The following PAWR variants were observed in gnomAD, a reference collection of about 807,000 sequenced individuals.
The protein encoded by PAWR is PRKC apoptosis WT1 regulator protein.
In PAWR, 23 loss-of-function variants were observed where a neutral mutation model predicts 32.0. The ratio of observed to expected loss-of-function variants is 0.72; its 90% CI spans 0.52 to 1.02. The LOEUF is 1.02. Ranked by LOEUF, PAWR falls within the 50% of genes least tolerant of loss-of-function variation. PAWR has a pLI of 0.00. For synonymous variants in PAWR, 226 were observed against 187.1 expected, an observed-to-expected ratio of 1.21 and a Z score of -1.70; for missense variants, 457 against 437.7, an observed-to-expected ratio of 1.04 and a Z score of -0.39.
intron 2 of PAWR, among the ~76,000 whole-genome samples, chr12:79,637,365 A>AT (rs1286413427): frequency 2.6e-5 from 4 of 152,018 alleles, no homozygotes; most frequent in African/African-American, 4.8e-5. Context: ...CACTTCTTTA[A>AT]TCCGCCTCCT....
rs1566011125 is a variant in PAWR, at chr12:79,632,350, TA to T, written c.517-11144del. Among the ~76,000 whole-genome samples the T allele has an allele frequency of 6.8e-3, 404 of 59,738 alleles. 20 individuals are homozygous for T. The highest frequency in any genetic ancestry group is 7.9e-3 in the Non-Finnish European group (297 of 37,748). 39.2% of individuals were successfully genotyped at this position (59,738 alleles called of 152,430 possible). A position where few individuals can be genotyped will look rare whatever the true frequency, so the allele number is the denominator to read the frequency against. On this transcript the variant is annotated intron_variant, in intron 2 of 6. Coordinates refer to ENST00000328827, the MANE Select transcript of PAWR (RefSeq NM_002583.4). ...ATATATATATATATATATATATATATATATATATATATTTTTTTTTTTTTTT... is the reference window on the plus strand; with the variant it reads ...ATATATATATATATATATATATATATTATATATATATTTTTTTTTTTTTTT...
intron 2 of PAWR, among the ~76,000 whole-genome samples, chr12:79,641,447 G>A (rs1876316102): frequency 6.6e-6 from 1 of 152,130 alleles, no homozygotes; most frequent in South Asian, 2.1e-4. Context: ...TTAACTATGA[G>A]ACCACATTTA....
intron 4 of PAWR, among the ~76,000 whole-genome samples, chr12:79,608,262 A>C (rs995959920): frequency 2.0e-5 from 3 of 152,190 alleles, no homozygotes; most frequent in African/African-American, 7.2e-5. Context: ...TTTTGGCAAC[A>C]GGGAACAGTT....
At chr12:79,656,441 G>T (rs1191117550) in intron 2 of PAWR, among the ~76,000 whole-genome samples, 1 of 152,150 alleles carries the variant, frequency 6.6e-6, no homozygotes, top group South Asian at 2.1e-4. Context: ...TGCGTAACAT[G>T]GGGGTGAGGC....
At chr12:79,669,636 T>TGGCCGGGCGCGGTGGCTCA (rs1877788111) in intron 2 of PAWR, among the ~76,000 whole-genome samples, 1 of 151,968 alleles carries the variant, frequency 6.6e-6, no homozygotes, top group African/African-American at 2.4e-5. Flanking sequence ...AAGAAAAAAA[T>TGGCCGGGCGCGGTGGCTCA]CAAATGATAC....
intron 2 of PAWR, among the ~76,000 whole-genome samples, chr12:79,634,110 T>A (rs1331189008): frequency 6.6e-6 from 1 of 152,194 alleles, no homozygotes; most frequent in East Asian, 1.9e-4. Flanking sequence ...ATAAAATTTA[T>A]GTTTTGACTA....
chr12:79,681,738 A>G (rs1327726329), intron 2 of PAWR, among the ~76,000 whole-genome samples: 1 of 152,132 alleles, frequency 6.6e-6, no homozygotes, highest in Admixed American at 6.5e-5. Flanking sequence ...AAAAATTAGG[A>G]TTACATAAAT....
chr12:79,632,608 G>A (rs747281964), intron 2 of PAWR, among the ~76,000 whole-genome samples: 8 of 151,262 alleles, frequency 5.3e-5, no homozygotes, highest in Non-Finnish European at 1.2e-4. Context: ...GGGCTCAAGT[G>A]ATCACCTGCC....
chr12:79,690,162 T>C lies in PAWR; in HGVS notation c.83A>G (p.Glu28Gly). Residue 28 changes from glutamate to glycine, a missense_variant, in exon 2 of 7, where the codon GAG (glutamate) becomes GGG (glycine). Physicochemically the swap from Glu to Gly is moderately conservative, Grantham distance 98 (BLOSUM62 -2). Coordinates refer to ENST00000328827, the MANE Select transcript of PAWR (RefSeq NM_002583.4). ...DFLEEWKAKR[E>G]KMRAKQNPPG... ...GGGGTTCTGCTTGGCGCGCATCTTC[T>C]CGCGTTTCGCCTTCCACTCCTCCAG... 1 of 1,527,852 alleles carries C rather than the reference T, an allele frequency of 6.5e-7. No homozygotes were observed. Among genetic ancestry groups the C allele is most frequent in the Non-Finnish European group, 8.8e-7 (1 of 1,140,792 alleles). 94.6% of individuals were successfully genotyped at this position (1,527,852 alleles called of 1,614,324 possible).
intron 2 of PAWR, among the ~76,000 whole-genome samples, chr12:79,644,988 TGA>T (rs1876500967): frequency 6.6e-6 from 1 of 150,944 alleles, no homozygotes; most frequent in Non-Finnish European, 1.5e-5. Context: ...TTTACAAAAC[TGA>T]GTCTCTGTAA....
At chr12:79,620,201 C>T (rs8176876) in intron 3 of PAWR, among the ~76,000 whole-genome samples, 135 of 152,110 alleles carry the variant, frequency 8.9e-4, no homozygotes, top group African/African-American at 3.2e-3. Flanking sequence ...TAAAATTTCT[C>T]TAATATATAA....
At chr12:79,633,663 A>C (rs909940156) in intron 2 of PAWR, among the ~76,000 whole-genome samples, 5 of 152,214 alleles carry the variant, frequency 3.3e-5, no homozygotes, top group African/African-American at 1.2e-4. Context: ...AAGGGAAAGG[A>C]GATATATGAA....
At chr12:79,603,308 A>C (rs1447508890) in intron 4 of PAWR, among the ~76,000 whole-genome samples, 1 of 152,016 alleles carries the variant, frequency 6.6e-6, no homozygotes, top group East Asian at 1.9e-4. Flanking sequence ...AGATACAGGA[A>C]AGAAACAACT....
At position 79,621,086 on chromosome 12, in the gene PAWR, T is replaced by C. The variant is rs145268575; in HGVS notation, c.638A>G (p.Tyr213Cys). 24 of 1,598,282 alleles carry C rather than the reference T, an allele frequency of 1.5e-5. No individual in the cohort carries two copies. Among genetic ancestry groups the C allele is most frequent in the African/African-American group, 1.1e-4 (8 of 74,234 alleles). The change falls in exon 3 of 7, where the codon TAT (tyrosine) becomes TGT (cysteine). Residue 213 changes from tyrosine (Y) to cysteine (C), a missense_variant. Transcript: ENST00000328827. Reference sequence around the variant, plus strand: ...TTTTTAAATACTCACCTGTAGCAGATAGGAACTGCCTGGATCTAGTAAGTT... The same window carrying C: ...TTTTTAAATACTCACCTGTAGCAGACAGGAACTGCCTGGATCTAGTAAGTT... ...AVNLLDPGSS[Y>C]LLQEPPRTVS...
At chr12:79,620,616 G>A (rs1218834808) in intron 3 of PAWR, among the ~76,000 whole-genome samples, 1 of 152,136 alleles carries the variant, frequency 6.6e-6, no homozygotes, top group Non-Finnish European at 1.5e-5. Flanking sequence ...TTTACAGGAG[G>A]GTGGCTCAGA....
At chr12:79,614,899 A>G (rs567152626) in intron 3 of PAWR, among the ~76,000 whole-genome samples, 25 of 152,262 alleles carry the variant, frequency 1.6e-4, no homozygotes, top group African/African-American at 5.3e-4. Flanking sequence ...CTCCGTAGCT[A>G]GGAGACTAGG....
intron 2 of PAWR, among the ~76,000 whole-genome samples, chr12:79,687,805 C>G (rs976708628): frequency 6.6e-6 from 1 of 152,006 alleles, no homozygotes; most frequent in Non-Finnish European, 1.5e-5. Context: ...ATCTGAAATA[C>G]ATAAGTTGTT....
intron 2 of PAWR, among the ~76,000 whole-genome samples, chr12:79,687,131 C>G (rs1012301039): frequency 2.6e-5 from 4 of 152,128 alleles, no homozygotes; most frequent in African/African-American, 9.7e-5. Flanking sequence ...TTTCTTAAAA[C>G]TCTTAGTAAA....
chr12:79,673,155 C>T (rs1262811622), intron 2 of PAWR, among the ~76,000 whole-genome samples: 7 of 152,038 alleles, frequency 4.6e-5, no homozygotes, highest in African/African-American at 9.7e-5. Context: ...CTGCAAGCTC[C>T]GCCTCCCAGG....
Sources: gnomAD v4.1 joint callset for allele counts (sites outside exome capture counted in the v4.1 genomes callset) on GRCh38, gnomAD v4.1.1 for gene constraint, MANE v1.5 for transcripts, NCBI Gene and HGNC (gene_info 2026-07-23, HGNC 2026-07-21) for gene names.